Variants in VPS33A observed in about 807,000 individuals in gnomAD.
The protein encoded by VPS33A is VPS33A core subunit of CORVET and HOPS complexes.
Under a neutral mutation model 71.8 loss-of-function variants are expected in VPS33A, and 32 were observed. The ratio of observed to expected loss-of-function variants is 0.45; its 90% CI spans 0.34 to 0.60. The LOEUF (loss-of-function observed/expected upper bound fraction) is 0.60, where lower values mean the gene tolerates loss of function less well. VPS33A is among the 20% of genes least tolerant of loss of function. VPS33A has a pLI of 0.02. For missense variants in VPS33A, 625 were observed against 748.5 expected, an observed-to-expected ratio of 0.84 and a Z score of 1.92; for synonymous variants, 311 against 292.7, an observed-to-expected ratio of 1.06 and a Z score of -0.64.
rs1000998485 is a variant in VPS33A at position 122,231,453 on chromosome 12, G to A, written c.*793C>T. 1.3e-5 allele frequency: 2 copies of A among 152,160 alleles called. No individual in the cohort carries two copies. The highest frequency in any genetic ancestry group is 2.9e-5 in the Non-Finnish European group (2 of 68,032). The allele number at this position is 152,160 out of a possible 1,614,324, so 9.4% of individuals were successfully genotyped here. On this transcript the variant is annotated 3_prime_UTR_variant, in exon 13 of 13. Transcript: ENST00000267199. Reference sequence around the variant, plus strand: ...AATCTCCCACACTCTGCAGGAAAAAGAAATCTCAACTCAGTGATAAAATGA... The same window carrying A: ...AATCTCCCACACTCTGCAGGAAAAAAAAATCTCAACTCAGTGATAAAATGA...
chr12:122,265,502 T>C (rs1442218658), intron 1 of VPS33A: 1 of 225,624 alleles, frequency 4.4e-6, no homozygotes, highest in Non-Finnish European at 9.8e-6. Context: ...AGGGGTAACA[T>C]ATTACAACCA....
chr12:122,259,510 C>T (rs971149256), intron 4 of VPS33A, among the ~76,000 whole-genome samples: 2 of 152,082 alleles, frequency 1.3e-5, no homozygotes, highest in African/African-American at 2.4e-5. Flanking sequence ...TGAGCCACCA[C>T]GCCCAGTCTC....
At chr12:122,257,047 A>G (rs1056701239) in intron 4 of VPS33A, among the ~76,000 whole-genome samples, 1 of 152,178 alleles carries the variant, frequency 6.6e-6, no homozygotes, top group African/African-American at 2.4e-5. Flanking sequence ...TATGAGCTGT[A>G]GCTGCATATA....
intron 6 of VPS33A, among the ~76,000 whole-genome samples, chr12:122,247,241 T>G (rs1028270335): frequency 6.6e-6 from 1 of 152,120 alleles, no homozygotes; most frequent in Non-Finnish European, 1.5e-5. Flanking sequence ...TTATACATAT[T>G]TTTTCTCTTC....
In VPS33A at chr12:122,235,883, T is replaced by C; in HGVS notation, c.1343A>G (p.Glu448Gly). The C allele has an allele frequency of 3.1e-6, 5 of 1,613,816 alleles. No individual in the cohort carries two copies. The highest frequency in any genetic ancestry group is 4.2e-6 in the Non-Finnish European group (5 of 1,179,868). The change falls in exon 11 of 13, where the codon GAG (glutamate) becomes GGG (glycine). Residue 448 changes from glutamate (E) to glycine (G), a missense_variant. Coordinates refer to ENST00000267199, the MANE Select transcript of VPS33A (RefSeq NM_022916.6). ...CTGCGGTTTCAGCAGGCCGGCCTTC[T>C]CCAGGTTGTGTAAGGTCAATATGTG... ...YEHILTLHNLEKAGLLKPQTG... is the reference protein window; with the variant it reads ...YEHILTLHNLGKAGLLKPQTG...
chr12:122,244,603 C>G lies in VPS33A; in HGVS notation c.935G>C (p.Ser312Thr). The stretch of plus-strand genomic sequence containing the variant: ...TGCAGAGATGATCTTTGCTTTCTTG[C>G]TGAGCACAGAGCCAACTGCGTTGAA... Reference protein sequence around the residue: ...KNFNAVGSVLSKKAKIISAAF... With the variant: ...KNFNAVGSVLTKKAKIISAAF... Residue 312 changes from serine to threonine, a missense_variant, in exon 7 of 13, where the codon AGC (serine) becomes ACC (threonine). Physicochemically the swap from Ser to Thr is moderately conservative, Grantham distance 58. Transcript: ENST00000267199. 2 of 1,611,548 alleles carry G rather than the reference C, an allele frequency of 1.2e-6. No individual in the cohort carries two copies. The highest frequency in any genetic ancestry group is 1.7e-6 in the Non-Finnish European group (2 of 1,177,836).
At chr12:122,256,332 G>C (rs1298168452) in intron 4 of VPS33A, among the ~76,000 whole-genome samples, 1 of 151,948 alleles carries the variant, frequency 6.6e-6, no homozygotes, top group East Asian at 1.9e-4. Context: ...CCAGCAGTTT[G>C]GGAGGCTGAG....
chr12:122,237,799 C>T (rs906662116), intron 10 of VPS33A, among the ~76,000 whole-genome samples: 1 of 150,130 alleles, frequency 6.7e-6, no homozygotes, highest in African/African-American at 2.5e-5. Context: ...ATAGTAAATG[C>T]TCAAGAAATG....
chr12:122,263,445 C>T (rs1276005502), intron 3 of VPS33A, 127 bp downstream of exon 3: 1 of 1,161,956 alleles, frequency 8.6e-7, no homozygotes, highest in Non-Finnish European at 1.2e-6. Context: ...TCTTCCATGC[C>T]TATCTCAGTT....
In VPS33A at chr12:122,263,633, T is replaced by A. The variant is rs763166511; in HGVS notation, c.235A>T (p.Ile79Leu). 4.3e-6 allele frequency: 7 copies of A among 1,613,366 alleles called. No individual in the cohort carries two copies. Among genetic ancestry groups the A allele is most frequent in the Non-Finnish European group, 5.9e-6 (7 of 1,179,440 alleles). The change falls in exon 3 of 13, where the codon ATA (isoleucine) becomes TTA (leucine). Residue 79 changes from isoleucine to leucine, a missense_variant. Coordinates refer to ENST00000267199, the MANE Select transcript of VPS33A (RefSeq NM_022916.6). ...AGCCTGGGTCTGACAAAAAAAATTA[T>A]ATTCTTCACATCAGCTGCCGGCAAA... ...NRLPAADVKN[I>L]IFFVRPRLEL...
chr12:122,266,123 AC>A (rs1955066351), intron 1 of VPS33A, among the ~76,000 whole-genome samples, 183 bp downstream of exon 1: 1 of 150,446 alleles, frequency 6.6e-6, no homozygotes, highest in Non-Finnish European at 1.5e-5. Flanking sequence ...TCCAGGCTGT[AC>A]GCCCAGGGCC....
At chr12:122,238,110 C>T (rs1306244167) in intron 10 of VPS33A, among the ~76,000 whole-genome samples, 1 of 152,042 alleles carries the variant, frequency 6.6e-6, no homozygotes, top group Non-Finnish European at 1.5e-5. Flanking sequence ...ATACAATAAA[C>T]AGTGATGGCT....
Position 122,232,840 on chromosome 12 carries a change from A to C in VPS33A, c.1569T>G (p.Phe523Leu). 1 of 1,614,002 alleles carries C rather than the reference A, an allele frequency of 6.2e-7. No homozygotes were observed. The highest frequency in any genetic ancestry group is 8.5e-7 in the Non-Finnish European group (1 of 1,179,938). The change falls in exon 12 of 13, where the codon TTT becomes TTG. Residue 523 changes from phenylalanine (F) to leucine (L), a missense_variant. Physicochemically the swap from Phe to Leu is conservative, Grantham distance 22. Coordinates refer to ENST00000267199, the MANE Select transcript of VPS33A (RefSeq NM_022916.6). ...CTGTGGGCAGTGGCTGCCGCTCCTC[A>C]AAGTGGGGCCCTGGGAGGATGCGGA... ...EVLRILPGPH[F>L]EERQPLPTGL...
chr12:122,265,533 T>A (rs1955056249), intron 1 of VPS33A: 1 of 265,302 alleles, frequency 3.8e-6, no homozygotes, highest in Non-Finnish European at 8.2e-6. Flanking sequence ...ATTGATACAA[T>A]CCATGATGTT....
At chr12:122,264,027 C>T (rs925428798) in intron 2 of VPS33A, 107 bp downstream of exon 2, 3 of 1,033,452 alleles carry the variant, frequency 2.9e-6, no homozygotes, top group Admixed American at 2.4e-5. Context: ...TTATAAAGAC[C>T]AAACAGCTTT....
chr12:122,242,585 C>T, intron 7 of VPS33A, 77 bp from the exon 8 acceptor site: 4 of 1,479,720 alleles, frequency 2.7e-6, no homozygotes, highest in Non-Finnish European at 3.6e-6. Flanking sequence ...AGGACTCTCG[C>T]TTTGTTGCCC....
chr12:122,261,475 T>C, intron 3 of VPS33A, 28 bp from the exon 4 acceptor site: 1 of 1,610,654 alleles, frequency 6.2e-7, no homozygotes, highest in Non-Finnish European at 8.5e-7. Flanking sequence ...TTTGTTAGCT[T>C]ATGAGCTCCT....
chr12:122,263,621 C>A lies in VPS33A; in HGVS notation c.247G>T (p.Val83Phe). ...TCCATCAACTCTAGCCTGGGTCTGA[C>A]AAAAAAAATTATATTCTTCACATCA... The part of the protein sequence containing the change: ...AADVKNIIFF[V>F]RPRLELMDII... Residue 83 changes from valine to phenylalanine, a missense_variant, in exon 3 of 13, where the codon GTC becomes TTC. Val to Phe is a conservative substitution (Grantham distance 50). Transcript: ENST00000267199. 6.2e-7 allele frequency: 1 copy of A among 1,611,970 alleles called. No individual in the cohort carries two copies. The highest frequency in any genetic ancestry group is 8.5e-7 in the Non-Finnish European group (1 of 1,178,832).
At chr12:122,264,323 G>A (rs754869825) in intron 1 of VPS33A, 124 bp from the exon 2 acceptor site, 11 of 613,136 alleles carry the variant, frequency 1.8e-5, no homozygotes, top group Non-Finnish European at 2.6e-5. Context: ...TTTTATCCTA[G>A]TGTTACAAAA....
Sources: allele counts gnomAD v4.1 joint callset (sites outside exome capture counted in the v4.1 genomes callset), GRCh38; gene constraint gnomAD v4.1.1; transcripts MANE v1.5; gene names NCBI Gene and HGNC (gene_info 2026-07-23, HGNC 2026-07-21).